ZMAT4: variants seen among roughly 807,000 people sequenced by gnomAD.
ZMAT4 encodes zinc finger matrin-type protein 4.
Under a neutral mutation model 28.7 loss-of-function variants are expected in ZMAT4, and 17 were observed. That is an observed-to-expected ratio of 0.59 (90% CI 0.41 to 0.89). ZMAT4 has a LOEUF of 0.89. Ranked by LOEUF, ZMAT4 falls within the 40% of genes least tolerant of loss-of-function variation. ZMAT4 has a pLI of 0.00. For synonymous variants in ZMAT4, 117 were observed against 109.2 expected, an observed-to-expected ratio of 1.07 and a Z score of -0.44; for missense variants, 240 against 283.8, an observed-to-expected ratio of 0.85 and a Z score of 1.11.
At chr8:40,884,647 C>T (rs1222957817) in intron 1 of ZMAT4, 1 of 152,352 alleles carries the variant, frequency 6.6e-6, no homozygotes, top group Non-Finnish European at 1.5e-5. Flanking sequence ...CAGATCACTA[C>T]TTTCTTCTGC....
At chr8:40,801,352 A>AAAAATATATATATATATATATATG (rs774919666) in intron 2 of ZMAT4, among the ~76,000 whole-genome samples, 51 of 72,126 alleles carry the variant, frequency 7.1e-4, no homozygotes, top group African/African-American at 2.1e-3. Flanking sequence ...AAAAAAAAAA[A>AAAAATATATATATATATATATATG]TATATATATA....
At chr8:40,590,659 C>A (rs1329211421) in intron 5 of ZMAT4, among the ~76,000 whole-genome samples, 1 of 151,990 alleles carries the variant, frequency 6.6e-6, no homozygotes, top group Non-Finnish European at 1.5e-5. Flanking sequence ...GAAGGACAGT[C>A]ACAGATCTTG....
intron 1 of ZMAT4, among the ~76,000 whole-genome samples, chr8:40,840,874 T>C (rs1308881007): frequency 6.6e-6 from 1 of 152,222 alleles, no homozygotes; most frequent in Non-Finnish European, 1.5e-5. Context: ...AGTTCCATAA[T>C]GTCAAAGAAG....
At chr8:40,801,341 TA>T (rs201742506) in intron 2 of ZMAT4, among the ~76,000 whole-genome samples, 5,983 of 114,528 alleles carry the variant, frequency 0.052, 164 homozygotes, top group Middle Eastern at 0.097. Context: ...ATACTTTCTT[TA>T]AAAAAAAAAA....
intron 5 of ZMAT4, among the ~76,000 whole-genome samples, chr8:40,617,124 C>T (rs1806036467): frequency 6.6e-6 from 1 of 152,030 alleles, no homozygotes. Context: ...GATCTTTACA[C>T]AAGGGTCTTA....
chr8:40,652,210 T>A (rs545620267), intron 5 of ZMAT4, among the ~76,000 whole-genome samples: 1 of 125,940 alleles, frequency 7.9e-6, no homozygotes, highest in South Asian at 2.9e-4. Flanking sequence ...ATCCAGAATC[T>A]TCAATGAACT....
intron 6 of ZMAT4, among the ~76,000 whole-genome samples, chr8:40,568,924 G>A (rs370817572): frequency 2.0e-5 from 3 of 152,104 alleles, no homozygotes; most frequent in South Asian, 2.1e-4. Context: ...ATATGTTGAC[G>A]TTAACTGTAA....
chr8:40,545,307 T>C (rs1385127933), intron 6 of ZMAT4, among the ~76,000 whole-genome samples: 2 of 152,126 alleles, frequency 1.3e-5, no homozygotes, highest in Admixed American at 1.3e-4. Context: ...ATTCCTGAAT[T>C]CTGGACCCAT....
intron 3 of ZMAT4, among the ~76,000 whole-genome samples, chr8:40,759,520 G>T (rs904924320): frequency 6.6e-6 from 1 of 152,128 alleles, no homozygotes; most frequent in African/African-American, 2.4e-5. Flanking sequence ...ACTGCCATAA[G>T]ATGTTCATCT....
intron 4 of ZMAT4, among the ~76,000 whole-genome samples, chr8:40,689,350 G>A (rs58089978): frequency 0.02 from 3,043 of 152,256 alleles, 100 homozygotes; most frequent in African/African-American, 0.069. Flanking sequence ...GGCTGGGGCC[G>A]GTCTTCTCAC....
chr8:40,844,077 G>C (rs1816792999), intron 1 of ZMAT4, among the ~76,000 whole-genome samples: 1 of 152,216 alleles, frequency 6.6e-6, no homozygotes, highest in Non-Finnish European at 1.5e-5. Flanking sequence ...ACTCTGGAAA[G>C]TGCCCAATGA....
intron 2 of ZMAT4, among the ~76,000 whole-genome samples, chr8:40,806,830 C>T (rs1246554947): frequency 6.6e-6 from 1 of 151,892 alleles, no homozygotes; most frequent in Non-Finnish European, 1.5e-5. Flanking sequence ...AAAATAGAAG[C>T]TATTATGGTA....
chr8:40,539,356 C>G (rs529929956), intron 6 of ZMAT4, among the ~76,000 whole-genome samples: 1 of 152,290 alleles, frequency 6.6e-6, no homozygotes, highest in African/African-American at 2.4e-5. Context: ...CCTTGACTGT[C>G]CTATCCTGGG....
At chr8:40,691,077 T>C (rs915567128) in intron 4 of ZMAT4, 4 of 251,526 alleles carry the variant, frequency 1.6e-5, no homozygotes, top group African/African-American at 9.3e-5. Context: ...ATCACTTTGC[T>C]CCTAGGAGAA....
intron 6 of ZMAT4, among the ~76,000 whole-genome samples, chr8:40,542,328 C>A (rs570480666): frequency 1.8e-4 from 28 of 151,952 alleles, no homozygotes; most frequent in Non-Finnish European, 2.4e-4. Flanking sequence ...GGCCTATGAG[C>A]GGTAGAAAAA....
At chr8:40,852,619 A>G (rs1817152331) in intron 1 of ZMAT4, among the ~76,000 whole-genome samples, 1 of 152,226 alleles carries the variant, frequency 6.6e-6, no homozygotes, top group South Asian at 2.1e-4. Context: ...TAGCTCCTTA[A>G]AGGTTACTTG....
rs10690797 is a variant in ZMAT4 at position 40,715,047 on chromosome 8, C to CAAAAAA, written c.193-17652_193-17647dup. On this transcript the variant is annotated intron_variant, in intron 3 of 6. Coordinates refer to ENST00000297737, the MANE Select transcript of ZMAT4 (RefSeq NM_024645.3). Reference sequence around the variant, plus strand: ...CTGGCGACAGAGGGAGACTCTGTCTCAAAAAAAAAAAAAAAAAGTGTGTGA... The same window carrying CAAAAAA: ...CTGGCGACAGAGGGAGACTCTGTCTCAAAAAAAAAAAAAAAAAAAAAAAGTGTGTGA... Among the ~76,000 whole-genome samples, 19 of 73,362 alleles carry CAAAAAA rather than the reference C, an allele frequency of 2.6e-4. 1 individual carries two copies. The highest frequency in any genetic ancestry group is 1.0e-3 in the African/African-American group (17 of 16,334). 48.1% of individuals were successfully genotyped at this position (73,362 alleles called of 152,430 possible).
At chr8:40,643,583 C>A (rs7838466) in intron 5 of ZMAT4, among the ~76,000 whole-genome samples, 11,547 of 152,008 alleles carry the variant, frequency 0.076, 874 homozygotes, top group East Asian at 0.43. Context: ...CAAACTCCGT[C>A]CAGAGGGAAG....
intron 5 of ZMAT4, among the ~76,000 whole-genome samples, chr8:40,647,125 G>GCAGAA (rs1487625824): frequency 1.3e-5 from 2 of 152,168 alleles, no homozygotes; most frequent in African/African-American, 4.8e-5. Flanking sequence ...CGTGAGCGAC[G>GCAGAA]CAGAAGACGG....
Sources: gnomAD v4.1 joint callset for allele counts (sites outside exome capture counted in the v4.1 genomes callset) on GRCh38, gnomAD v4.1.1 for gene constraint, MANE v1.5 for transcripts, NCBI Gene and HGNC (gene_info 2026-07-23, HGNC 2026-07-21) for gene names.